Variants in RAPGEF4 observed in about 807,000 individuals in gnomAD.
RAPGEF4 encodes the protein RAP guanine-nucleotide-exchange factor (GEF) 4.
A neutral mutation model predicts 147.9 loss-of-function variants in RAPGEF4; 66 were observed. The ratio of observed to expected loss-of-function variants is 0.45; its 90% CI spans 0.37 to 0.55. The LOEUF is 0.55. RAPGEF4 is among the 20% of genes least tolerant of loss of function. The pLI is 0.00. For missense variants in RAPGEF4, 1,071 were observed against 1,257.3 expected (o/e 0.85, Z 2.24); for synonymous variants, 419 against 442.7 (o/e 0.95, Z 0.67).
chr2:172,919,219 G>T (rs1044863006), intron 5 of RAPGEF4, among the ~76,000 whole-genome samples: 1 of 152,130 alleles, frequency 6.6e-6, no homozygotes, highest in East Asian at 1.9e-4. Context: ...TCCTCAGAGG[G>T]TTGTTGTGAA....
chr2:172,904,530 G>T (rs1178575233), intron 4 of RAPGEF4, among the ~76,000 whole-genome samples: 1 of 152,150 alleles, frequency 6.6e-6, no homozygotes, highest in African/African-American at 2.4e-5. Context: ...TACAAAGTGT[G>T]CACTAACTAA....
At chr2:172,882,102 T>G (rs1696698171) in intron 4 of RAPGEF4, among the ~76,000 whole-genome samples, 1 of 152,248 alleles carries the variant, frequency 6.6e-6, no homozygotes, top group South Asian at 2.1e-4. Context: ...ACATTTTTCT[T>G]CTAAACTTAT....
At chr2:172,945,402 C>G (rs1316789601) in intron 6 of RAPGEF4, among the ~76,000 whole-genome samples, 1 of 152,110 alleles carries the variant, frequency 6.6e-6, no homozygotes, top group Non-Finnish European at 1.5e-5. Flanking sequence ...CTACTGCCCT[C>G]AGGTTTCTGA....
chr2:172,881,439 A>G (rs940713808), intron 4 of RAPGEF4, among the ~76,000 whole-genome samples: 5 of 152,248 alleles, frequency 3.3e-5, no homozygotes, highest in African/African-American at 1.2e-4. Flanking sequence ...TTTAAGACAG[A>G]CAAAGTTTTA....
intron 8 of RAPGEF4, among the ~76,000 whole-genome samples, chr2:172,962,703 A>G (rs2468389): frequency 0.94 from 142,442 of 152,098 alleles, 66,794 homozygotes; most frequent in East Asian, 1. Context: ...AAATGAGATG[A>G]GACTTGAGAA....
intron 4 of RAPGEF4, among the ~76,000 whole-genome samples, chr2:172,817,053 T>C (rs1418358393): frequency 6.6e-6 from 1 of 152,240 alleles, no homozygotes; most frequent in African/African-American, 2.4e-5. Flanking sequence ...AATTCTAAAG[T>C]ACCTTCTGAA....
intron 26 of RAPGEF4, 64 bp downstream of exon 26, chr2:173,030,318 T>C (rs1697070228): frequency 3.1e-6 from 4 of 1,296,714 alleles, no homozygotes; most frequent in Non-Finnish European, 4.5e-6. Context: ...GGCTCACCAG[T>C]GAGCTTTTTA....
intron 29 of RAPGEF4, among the ~76,000 whole-genome samples, chr2:173,037,977 T>C (rs1413764080): frequency 6.6e-6 from 1 of 152,214 alleles, no homozygotes; most frequent in South Asian, 2.1e-4. Context: ...CCTGTAAGGA[T>C]CTGCAGCATT....
intron 4 of RAPGEF4, among the ~76,000 whole-genome samples, chr2:172,815,468 A>G (rs1253353000): frequency 6.6e-6 from 1 of 152,234 alleles, no homozygotes; most frequent in African/African-American, 2.4e-5. Flanking sequence ...AAAGTATTAA[A>G]GAGCTCCAAC....
Position 172,872,084 on chromosome 2 carries a change from C to T in RAPGEF4, c.445-45718C>T, listed in dbSNP as rs116189152. Among the ~76,000 whole-genome samples, 894 of 152,218 alleles carry T rather than the reference C, an allele frequency of 5.9e-3. 3 individuals are homozygous for T. Among genetic ancestry groups the T allele is most frequent in the Middle Eastern group, 0.01 (3 of 294 alleles). On this transcript the variant is annotated intron_variant, in intron 4 of 30. Transcript: ENST00000397081. ...TGAGAAAACTGGATAAATGAAAGAC[C>T]TATATTTAGTTTCTAAATCTTACTT...
At chr2:172,902,346 AGGCTGGAGTGCAACGGCATGACCTC>A (rs1352429180) in intron 4 of RAPGEF4, among the ~76,000 whole-genome samples, 13 of 151,902 alleles carry the variant, frequency 8.6e-5, no homozygotes, top group Middle Eastern at 3.2e-3. Flanking sequence ...ACTCTCGCCC[AGGCTGGAGTGCAACGGCATGACCTC>A]GGCTCACTGC....
intron 4 of RAPGEF4, among the ~76,000 whole-genome samples, chr2:172,898,336 C>T (rs138803404): frequency 3.9e-5 from 6 of 152,240 alleles, no homozygotes; most frequent in East Asian, 1.9e-4. Flanking sequence ...GAAAGAATCC[C>T]GCCTGCTCGC....
At position 172,754,293 on chromosome 2, in the gene RAPGEF4, C is replaced by T. The variant is rs539885623; in HGVS notation, c.65+18245C>T. 5.1e-3 allele frequency among the ~76,000 whole-genome samples: 769 copies of T among 152,206 alleles called. 3 individuals carry two copies. Among genetic ancestry groups the T allele is most frequent in the Non-Finnish European group, 7.2e-3 (487 of 68,004 alleles). On this transcript the variant is annotated intron_variant, in intron 1 of 30. Coordinates refer to ENST00000397081, the MANE Select transcript of RAPGEF4 (RefSeq NM_007023.4). ...AAATATAATTCGTATTGGCTGAAAT[C>T]ATACAGATCATGTGGCTTAAGTTTT...
chr2:172,915,192 C>G (rs1397992301), intron 4 of RAPGEF4, among the ~76,000 whole-genome samples: 2 of 152,154 alleles, frequency 1.3e-5, no homozygotes, highest in East Asian at 3.8e-4. Flanking sequence ...ATACTAAAAG[C>G]TATTATGCTG....
intron 4 of RAPGEF4, among the ~76,000 whole-genome samples, chr2:172,898,756 T>C (rs191988905): frequency 2.4e-4 from 36 of 152,294 alleles, no homozygotes; most frequent in African/African-American, 8.4e-4. Context: ...GCCACACATC[T>C]GTCCTGAAAG....
At position 172,894,506 on chromosome 2, in the gene RAPGEF4, A is replaced by C. The variant is rs547881968; in HGVS notation, c.445-23296A>C. 9 of 152,240 alleles carry C rather than the reference A, an allele frequency of 5.9e-5. No individual in the cohort carries two copies. The South Asian group carries it at 1.9e-3, about 32-fold the overall frequency. The allele number at this position is 152,240 out of a possible 1,614,324, so 9.4% of individuals were successfully genotyped here. ...TTCTTTCTGATTTCCTTCTCTTTTT[A>C]TTCTTAGGAAAAGGATTTAGTGGGA... On this transcript the variant is annotated intron_variant, in intron 4 of 30. Transcript: ENST00000397081.
At chr2:172,813,612 T>C (rs554915578) in intron 3 of RAPGEF4, among the ~76,000 whole-genome samples, 1 of 139,712 alleles carries the variant, frequency 7.2e-6, no homozygotes, top group South Asian at 2.3e-4. Flanking sequence ...ACTCTGACCC[T>C]CAGTTTCCTC....
intron 2 of RAPGEF4, among the ~76,000 whole-genome samples, chr2:172,796,204 G>A (rs1686344031): frequency 6.6e-6 from 1 of 152,100 alleles, no homozygotes; most frequent in African/African-American, 2.4e-5. Context: ...GAGTGTTTCT[G>A]GGTGGGAAAG....
At chr2:172,988,646 G>A in intron 13 of RAPGEF4, 47 bp from the exon 14 acceptor site, 1 of 1,562,124 alleles carries the variant, frequency 6.4e-7, no homozygotes, top group East Asian at 2.2e-5. Flanking sequence ...GTGGGTGTTT[G>A]CTCTATTTCA....
Sources: gnomAD v4.1 joint callset for allele counts (sites outside exome capture counted in the v4.1 genomes callset) on GRCh38, gnomAD v4.1.1 for gene constraint, MANE v1.5 for transcripts, NCBI Gene and HGNC (gene_info 2026-07-23, HGNC 2026-07-21) for gene names.